SIN3A: variants seen among roughly 807,000 people sequenced by gnomAD.
SIN3A encodes SIN3 transcription regulator family member A, also known as paired amphipathic helix protein Sin3a.
Under a neutral mutation model 146.1 loss-of-function variants are expected in SIN3A, and 14 were observed. The ratio of observed to expected loss-of-function variants is 0.10; its 90% CI spans 0.06 to 0.15. SIN3A has a LOEUF of 0.15. Ranked by LOEUF, SIN3A falls within the 10% of genes least tolerant of loss-of-function variation. The pLI, the probability that SIN3A is intolerant of heterozygous loss-of-function variation, is 1.00. For missense variants in SIN3A, 1,028 were observed against 1,576.0 expected, an observed-to-expected ratio of 0.65 and a Z score of 5.89; for synonymous variants, 572 against 572.0, an observed-to-expected ratio of 1.00 and a Z score of 0.00.
chr15:75,434,364 A>G (rs946037336), intron 1 of SIN3A, among the ~76,000 whole-genome samples: 1 of 152,146 alleles, frequency 6.6e-6, no homozygotes, highest in South Asian at 2.1e-4. Flanking sequence ...AAACGTGTAA[A>G]GTAGGCCGGG....
At chr15:75,454,231 C>G (rs2074454643), upstream of SIN3A, among the ~76,000 whole-genome samples, 1 of 152,096 alleles carries the variant, frequency 6.6e-6, no homozygotes, top group Admixed American at 6.5e-5. Flanking sequence ...AGAATGTCAT[C>G]CAATCCACAT....
intron 3 of SIN3A, among the ~76,000 whole-genome samples, chr15:75,416,433 C>T (rs1010669964): frequency 6.6e-6 from 1 of 152,210 alleles, no homozygotes; most frequent in Non-Finnish European, 1.5e-5. Flanking sequence ...TCAAGCGATT[C>T]TCTTGCCTCA....
intron 15 of SIN3A, 29 bp from the exon 16 acceptor site, chr15:75,389,850 T>C: frequency 2.5e-6 from 4 of 1,608,034 alleles, no homozygotes; most frequent in Non-Finnish European, 3.4e-6. Flanking sequence ...TGGTGAGGCC[T>C]TACCTTGCTA....
At chr15:75,376,933 T>A (rs994089130) in intron 19 of SIN3A, among the ~76,000 whole-genome samples, 1 of 151,530 alleles carries the variant, frequency 6.6e-6, no homozygotes, top group Non-Finnish European at 1.5e-5. Context: ...ATACAAGTAT[T>A]TCTGTAGACA....
chr15:75,408,983 C>T (rs970427211), intron 8 of SIN3A, among the ~76,000 whole-genome samples: 4 of 152,184 alleles, frequency 2.6e-5, no homozygotes, highest in African/African-American at 7.2e-5. Context: ...GTGGGTGGAT[C>T]ACCTGAGGTC....
intron 12 of SIN3A, among the ~76,000 whole-genome samples, chr15:75,398,277 G>C (rs2073341119): frequency 6.6e-6 from 1 of 152,208 alleles, no homozygotes; most frequent in African/African-American, 2.4e-5. Flanking sequence ...TAAACACACT[G>C]AGGATTGAGC....
chr15:75,389,901 TG>T, intron 15 of SIN3A, 80 bp from the exon 16 acceptor site: 1 of 1,350,902 alleles, frequency 7.4e-7, no homozygotes, highest in Non-Finnish European at 1.0e-6. Flanking sequence ...ATCCCACAGC[TG>T]GCCTAAATGG....
At chr15:75,440,258 TCTTA>T (rs1396722348) in intron 1 of SIN3A, among the ~76,000 whole-genome samples, 1 of 151,458 alleles carries the variant, frequency 6.6e-6, no homozygotes. Context: ...TGAGACACAG[TCTTA>T]CTTTGTCACC....
chr15:75,407,803 G>T (rs938126881), intron 8 of SIN3A, among the ~76,000 whole-genome samples: 2 of 135,430 alleles, frequency 1.5e-5, no homozygotes, highest in Non-Finnish European at 3.0e-5. Flanking sequence ...TGAGACAGAA[G>T]AATCGCTTGA....
chr15:75,451,921 C>T (rs368631866), upstream of SIN3A, among the ~76,000 whole-genome samples: 19 of 151,966 alleles, frequency 1.3e-4, no homozygotes, highest in African/African-American at 4.6e-4. Flanking sequence ...CTATTGGAGA[C>T]GGACTGCTGA....
chr15:75,441,570 C>A (rs1386453394), intron 1 of SIN3A, among the ~76,000 whole-genome samples: 1 of 152,018 alleles, frequency 6.6e-6, no homozygotes, highest in African/African-American at 2.4e-5. Context: ...CTGGTGTATA[C>A]CACTACACTT....
intron 2 of SIN3A, among the ~76,000 whole-genome samples, chr15:75,424,749 A>G (rs571115595): frequency 1.3e-5 from 2 of 152,298 alleles, no homozygotes; most frequent in East Asian, 3.9e-4. Context: ...CTGGGGTTAT[A>G]GACGTAAGCC....
chr15:75,446,187 G>T (rs1056811126), intron 1 of SIN3A: 1 of 151,976 alleles, frequency 6.6e-6, no homozygotes, highest in Non-Finnish European at 1.5e-5. Flanking sequence ...AAAAGGCAAG[G>T]AAGAGTTTTT....
At chr15:75,431,049 T>C (rs1282603588) in intron 1 of SIN3A, among the ~76,000 whole-genome samples, 1 of 152,238 alleles carries the variant, frequency 6.6e-6, no homozygotes, top group Non-Finnish European at 1.5e-5. Context: ...GTGCTGGGAT[T>C]ACAGGCGTGA....
At chr15:75,421,319 T>C (rs1221060176) in intron 3 of SIN3A, 8 of 152,146 alleles carry the variant, frequency 5.3e-5, no homozygotes, top group Admixed American at 5.2e-4. Context: ...ACATCAATAT[T>C]CCTTATACAC....
chr15:75,451,791 C>G (rs1251592265), upstream of SIN3A: 1 of 151,978 alleles, frequency 6.6e-6, no homozygotes, highest in Admixed American at 6.6e-5. Context: ...AAGACTCAGC[C>G]AACCACCGAG....
chr15:75,373,792 A>G (rs1395388411), intron 20 of SIN3A, among the ~76,000 whole-genome samples: 1 of 151,966 alleles, frequency 6.6e-6, no homozygotes, highest in African/African-American at 2.4e-5. Context: ...AATGCAGTAT[A>G]TATAATACAT....
At chr15:75,372,840 A>C (rs957430748) in intron 20 of SIN3A, among the ~76,000 whole-genome samples, 2 of 148,868 alleles carry the variant, frequency 1.3e-5, no homozygotes, top group African/African-American at 5.0e-5. Context: ...AAAAAAAAAA[A>C]CCCAAAACCC....
chr15:75,380,574 C>A (rs564029076), intron 19 of SIN3A, 55 bp downstream of exon 19: 3 of 1,267,230 alleles, frequency 2.4e-6, no homozygotes, highest in Non-Finnish European at 2.3e-6. Context: ...ATTTAACTCT[C>A]CATTCCTCAA....
Sources: allele counts gnomAD v4.1 joint callset (sites outside exome capture counted in the v4.1 genomes callset), GRCh38; gene constraint gnomAD v4.1.1; transcripts MANE v1.5; gene names NCBI Gene and HGNC (gene_info 2026-07-23, HGNC 2026-07-21).